ARMH3: variants seen among roughly 807,000 people sequenced by gnomAD.
ARMH3 encodes the protein armadillo like helical domain containing 3.
ARMH3 carries 60 observed loss-of-function variants against 99.1 expected under a neutral mutation model. The ratio of observed to expected loss-of-function variants is 0.61; its 90% CI spans 0.49 to 0.75. ARMH3 has a LOEUF of 0.75. Among genes scored for constraint, ARMH3 ranks in the 30% least tolerant of loss-of-function variants. The pLI is 0.00. For synonymous variants in ARMH3, 285 were observed against 292.8 expected, an observed-to-expected ratio of 0.97 and a Z score of 0.27; for missense variants, 679 against 843.1, an observed-to-expected ratio of 0.81 and a Z score of 2.41.
chr10:102,037,048 C>A lies in ARMH3; in HGVS notation c.102+2965G>T, dbSNP rs551153679. On this transcript the variant is annotated intron_variant, in intron 2 of 25. Coordinates refer to ENST00000370033, the MANE Select transcript of ARMH3 (RefSeq NM_024541.3). ...GCTTGGGCGACAGAGCAAGACACCA[C>A]CTCAAAATAAATAAATAAATAAATA... 1.2e-3 allele frequency among the ~76,000 whole-genome samples: 181 copies of A among 150,884 alleles called. 1 individual carries two copies. Among genetic ancestry groups the A allele is most frequent in the African/African-American group, 4.1e-3 (167 of 41,096 alleles).
chr10:101,966,182 T>C (rs1408851037), intron 20 of ARMH3, among the ~76,000 whole-genome samples: 1 of 147,584 alleles, frequency 6.8e-6, no homozygotes, highest in Non-Finnish European at 1.5e-5. Context: ...CCCGGCTCAC[T>C]GCAACCTCCA....
chr10:101,890,231 T>C (rs781594521), intron 23 of ARMH3, among the ~76,000 whole-genome samples: 2 of 149,848 alleles, frequency 1.3e-5, no homozygotes, highest in Admixed American at 6.7e-5. Flanking sequence ...TTTTTTCATA[T>C]ATATATATAT....
rs2066486847 is a variant in ARMH3, at chr10:101,847,431, T to A, written c.*97A>T. On this transcript the variant is annotated 3_prime_UTR_variant, in exon 26 of 26. Coordinates refer to ENST00000370033, the MANE Select transcript of ARMH3 (RefSeq NM_024541.3). ...AGAGAACTTGGTATCTGTGTTTCTC[T>A]CCAACCTCGGGGGCAGCCCCCTCTC... 2 of 1,275,952 alleles carry A rather than the reference T, an allele frequency of 1.6e-6. No individual in the cohort carries two copies. Among genetic ancestry groups the A allele is most frequent in the Non-Finnish European group, 2.3e-6 (2 of 881,470 alleles). 79.0% of individuals were successfully genotyped at this position (1,275,952 alleles called of 1,614,324 possible).
chr10:101,861,877 CAAAA>C (rs36095929), intron 24 of ARMH3, among the ~76,000 whole-genome samples: 42 of 93,998 alleles, frequency 4.5e-4, no homozygotes, highest in Admixed American at 1.9e-3. Context: ...CTAAAAATAC[CAAAA>C]AAAAAAAAAA....
intron 20 of ARMH3, among the ~76,000 whole-genome samples, chr10:101,974,975 G>A (rs184557435): frequency 8.0e-5 from 12 of 150,286 alleles, no homozygotes; most frequent in African/African-American, 2.4e-4. Context: ...ATATAGGAAG[G>A]GGAAGGAACA....
chr10:101,864,428 A>C (rs1169857895), intron 24 of ARMH3, among the ~76,000 whole-genome samples: 2 of 152,224 alleles, frequency 1.3e-5, no homozygotes, highest in African/African-American at 4.8e-5. Flanking sequence ...ATGCTACTAT[A>C]AAGACACATG....
intron 22 of ARMH3, 71 bp from the exon 23 acceptor site, chr10:101,940,009 C>A (rs551386020): frequency 2.3e-5 from 30 of 1,277,118 alleles, no homozygotes; most frequent in Non-Finnish European, 3.4e-5. Flanking sequence ...AATGAAGACA[C>A]ATCTCAGAAT....
chr10:101,917,634 T>C (rs1282121710), intron 23 of ARMH3, among the ~76,000 whole-genome samples: 2 of 152,192 alleles, frequency 1.3e-5, no homozygotes, highest in East Asian at 1.9e-4. Context: ...CTTTGGAAAA[T>C]ATCTGCCTGA....
At chr10:102,049,393 T>C (rs1405835740) in intron 1 of ARMH3, among the ~76,000 whole-genome samples, 2 of 151,860 alleles carry the variant, frequency 1.3e-5, no homozygotes, top group Non-Finnish European at 2.9e-5. Flanking sequence ...AATACAAAAA[T>C]TAGCCACGCA....
intron 15 of ARMH3, among the ~76,000 whole-genome samples, chr10:101,997,943 G>A (rs1847137737): frequency 6.6e-6 from 1 of 152,114 alleles, no homozygotes. Flanking sequence ...ATGCAGCAGG[G>A]GCTGAGGCAG....
chr10:101,993,594 C>A lies in ARMH3; in HGVS notation c.1219G>T (p.Ala407Ser). Residue 407 changes from alanine (A) to serine (S), a missense_variant, in exon 17 of 26, where the codon GCC (alanine) becomes TCC (serine). Physicochemically the swap from Ala to Ser is moderately conservative, Grantham distance 99. This residue lies in a region of ARMH3 where 389 missense variants were observed against 456.5 expected (regional missense o/e 0.85). Transcript: ENST00000370033. ...ILTCIAEDQY[A>S]NAFLHDDNMN... ...TTGTCATCATGCAAAAATGCATTGGCATATTGATCCTAATAAAAATATAGA... is the reference window on the plus strand; with the variant it reads ...TTGTCATCATGCAAAAATGCATTGGAATATTGATCCTAATAAAAATATAGA... 1.3e-6 allele frequency: 2 copies of A among 1,591,806 alleles called. No homozygotes were observed. Among genetic ancestry groups the A allele is most frequent in the South Asian group, 1.1e-5 (1 of 87,614 alleles).
chr10:101,876,258 A>AAC (rs2067263016), intron 24 of ARMH3, among the ~76,000 whole-genome samples: 1 of 151,504 alleles, frequency 6.6e-6, no homozygotes, highest in African/African-American at 2.4e-5. Flanking sequence ...AAAAAAAAAA[A>AAC]AAAAAAAAAA....
At chr10:101,892,509 G>A (rs79696175) in intron 23 of ARMH3, among the ~76,000 whole-genome samples, 1,560 of 152,186 alleles carry the variant, frequency 0.01, 28 homozygotes, top group African/African-American at 0.032. Context: ...TTGTGTGTGT[G>A]TATGTATGAG....
At chr10:101,925,145 G>C (rs1171668265) in intron 23 of ARMH3, among the ~76,000 whole-genome samples, 1 of 152,234 alleles carries the variant, frequency 6.6e-6, no homozygotes, top group East Asian at 1.9e-4. Flanking sequence ...GAAGGTTTTA[G>C]TGGGACTCAA....
At chr10:101,924,396 C>G (rs1843422422) in intron 23 of ARMH3, among the ~76,000 whole-genome samples, 1 of 147,322 alleles carries the variant, frequency 6.8e-6, no homozygotes, top group South Asian at 2.1e-4. Flanking sequence ...GAGTCTTGCT[C>G]TGTCGCCCAG....
chr10:102,046,278 G>C (rs1347676022), intron 1 of ARMH3, among the ~76,000 whole-genome samples: 3 of 148,956 alleles, frequency 2.0e-5, no homozygotes, highest in African/African-American at 5.0e-5. Flanking sequence ...AAGAGAGAAA[G>C]AGAGGGAGAG....
At chr10:101,882,364 A>C (rs908197803) in intron 24 of ARMH3, among the ~76,000 whole-genome samples, 19 of 152,248 alleles carry the variant, frequency 1.2e-4, no homozygotes, top group African/African-American at 4.6e-4. Context: ...ATAAGGAAGT[A>C]AGAGCAGATA....
intron 5 of ARMH3, among the ~76,000 whole-genome samples, chr10:102,028,275 G>A (rs1207410626): frequency 1.3e-5 from 2 of 152,160 alleles, no homozygotes; most frequent in Admixed American, 1.3e-4. Flanking sequence ...TGGCCTGAGT[G>A]CAGTGGGTCA....
In ARMH3 at chr10:102,040,137, A is replaced by C; in HGVS notation, c.-11-12T>G. On this transcript the variant is annotated splice_polypyrimidine_tract_variant and intron_variant, in intron 1 of 25. Transcript: ENST00000370033. ...CATGGTTAGAGAATCTGTGAACAGA[A>C]AGTCACATTTTAGAATAGTGAAAAT... The C allele has an allele frequency of 6.3e-7, 1 of 1,595,698 alleles. No homozygotes were observed. Among genetic ancestry groups the C allele is most frequent in the Non-Finnish European group, 8.6e-7 (1 of 1,163,198 alleles).
Sources: allele counts gnomAD v4.1 joint callset (sites outside exome capture counted in the v4.1 genomes callset), GRCh38; gene constraint gnomAD v4.1.1; regional missense constraint gnomAD v4.1.1; transcripts MANE v1.5; gene names NCBI Gene and HGNC (gene_info 2026-07-23, HGNC 2026-07-21).